The following SEL1L2 variants were observed in gnomAD, a reference collection of about 807,000 sequenced individuals.
The protein encoded by SEL1L2 is protein sel-1 homolog 2.
SEL1L2 carries 89 observed loss-of-function variants against 98.8 expected under a neutral mutation model. That is an observed-to-expected ratio of 0.90 (90% confidence interval 0.76 to 1.07). The LOEUF is 1.07. Ranked by LOEUF, SEL1L2 falls within the 50% of genes least tolerant of loss-of-function variation. SEL1L2 has a pLI of 0.00. For synonymous variants in SEL1L2, 262 were observed against 278.5 expected (o/e 0.94, Z 0.59); for missense variants, 788 against 812.0 (o/e 0.97, Z 0.36).
chr20:13,895,234 C>G (rs564128181), intron 5 of SEL1L2, among the ~76,000 whole-genome samples: 2 of 151,976 alleles, frequency 1.3e-5, no homozygotes, highest in Non-Finnish European at 2.9e-5. Flanking sequence ...CATGAGCTCA[C>G]GAGTTTGAGA....
chr20:13,949,662 CAAAACAAAAAACAA>C (rs1276031559), intron 2 of SEL1L2, among the ~76,000 whole-genome samples: 1 of 129,132 alleles, frequency 7.7e-6, no homozygotes, highest in Non-Finnish European at 1.6e-5. Context: ...GACTCTGTCT[CAAAACAAAAAACAA>C]AAAACAAACA....
intron 2 of SEL1L2, among the ~76,000 whole-genome samples, chr20:13,939,438 C>A (rs2049639563): frequency 1.3e-5 from 2 of 152,116 alleles, no homozygotes; most frequent in African/African-American, 4.8e-5. Flanking sequence ...GAACTAATTT[C>A]TTTCAAAGAC....
intron 2 of SEL1L2, among the ~76,000 whole-genome samples, chr20:13,937,491 A>T (rs771370873): frequency 2.0e-5 from 3 of 151,812 alleles, no homozygotes; most frequent in Admixed American, 6.6e-5. Flanking sequence ...GCTAGCAGGA[A>T]CTCCATCTCG....
chr20:13,913,730 T>C, intron 5 of SEL1L2, 52 bp downstream of exon 5: 6 of 1,422,816 alleles, frequency 4.2e-6, no homozygotes, highest in South Asian at 1.6e-5. Context: ...ATGCTGTCTA[T>C]AGTTATTTCA....
intron 1 of SEL1L2, among the ~76,000 whole-genome samples, chr20:13,987,248 T>C (rs574769334): frequency 8.5e-5 from 13 of 152,216 alleles, no homozygotes; most frequent in African/African-American, 2.9e-4. Context: ...CATTTTATAT[T>C]CCAACCAGCA....
Position 13,866,748 on chromosome 20 carries a change from T to A in SEL1L2, c.1358A>T (p.Tyr453Phe). The change falls in exon 15 of 20, where the codon TAT (tyrosine) becomes TTT (phenylalanine). Residue 453 changes from tyrosine to phenylalanine, a missense_variant. Physicochemically the swap from Tyr to Phe is conservative, Grantham distance 22. Transcript: ENST00000284951. ...PLAIYYLAKM[Y>F]ATGTGVVRSC... ...TCTTACTACTCCTGTTCCTGTTGCA[T>A]ACATCTTGGCCAGATAATAAATGGC... is the stretch of plus-strand genomic sequence containing the variant. 1.9e-6 allele frequency: 3 copies of A among 1,609,234 alleles called. No individual in the cohort carries two copies. In the South Asian group the frequency reaches 3.3e-5, roughly 18 times the overall value.
intron 5 of SEL1L2, among the ~76,000 whole-genome samples, chr20:13,903,610 C>T (rs1316795322): frequency 1.3e-5 from 2 of 151,946 alleles, no homozygotes; most frequent in Non-Finnish European, 2.9e-5. Flanking sequence ...GTCAGGAGTT[C>T]GAGACCAGCC....
chr20:13,947,989 G>A (rs903270209), intron 2 of SEL1L2, among the ~76,000 whole-genome samples: 9 of 152,212 alleles, frequency 5.9e-5, no homozygotes, highest in African/African-American at 2.2e-4. Context: ...GGTCCAGGCT[G>A]GTAGCATGAG....
chr20:13,881,108 G>C (rs528752603), intron 10 of SEL1L2, among the ~76,000 whole-genome samples: 181 of 152,324 alleles, frequency 1.2e-3, no homozygotes, highest in African/African-American at 2.4e-3. Flanking sequence ...CTGCCTCCCA[G>C]ATTCAAGCGA....
intron 2 of SEL1L2, among the ~76,000 whole-genome samples, chr20:13,948,008 A>G (rs1473060513): frequency 4.6e-5 from 7 of 152,232 alleles, no homozygotes; most frequent in Non-Finnish European, 4.4e-5. Context: ...AGCCAAGTGC[A>G]GCCTGCCAGG....
chr20:13,922,521 T>TCTGAAG lies in SEL1L2; in HGVS notation c.284-3404_284-3399dup, dbSNP rs1312509105. Among the ~76,000 whole-genome samples the TCTGAAG allele has an allele frequency of 7.9e-5, 12 of 152,326 alleles. 1 individual carries two copies. Among genetic ancestry groups the TCTGAAG allele is most frequent in the African/African-American group, 2.9e-4 (12 of 41,582 alleles). ...CTCTTCTGATGCATTATTCACAAAA[T>TCTGAAG]CTGAAGCTGAAGCTGGTTTATATTA... On this transcript the variant is annotated intron_variant, in intron 3 of 19. Transcript: ENST00000284951.
chr20:13,866,779 G>A lies in SEL1L2; in HGVS notation c.1327C>T (p.Pro443Ser). 1.2e-6 allele frequency: 2 copies of A among 1,613,192 alleles called. No homozygotes were observed. Among genetic ancestry groups the A allele is most frequent in the Non-Finnish European group, 1.7e-6 (2 of 1,179,574 alleles). Residue 443 changes from proline (P) to serine (S), a missense_variant, in exon 15 of 20, where the codon CCC (proline) becomes TCC (serine). Transcript: ENST00000284951. ...YFYLASQSGQ[P>S]LAIYYLAKMY... is the part of the protein sequence containing the mutation. ...TTGGCCAGATAATAAATGGCAAGGG[G>A]CTGCCCACTCTGAGATGCCAGGTAA...
At chr20:13,859,483 T>G in intron 17 of SEL1L2, 49 bp from the exon 18 acceptor site, 2 of 1,501,172 alleles carry the variant, frequency 1.3e-6, no homozygotes, top group Non-Finnish European at 1.8e-6. Flanking sequence ...ATGATTCATG[T>G]ATAGTTCTCA....
intron 1 of SEL1L2, among the ~76,000 whole-genome samples, chr20:13,970,794 T>C (rs1335980181): frequency 1.3e-5 from 2 of 151,996 alleles, no homozygotes; most frequent in Non-Finnish European, 2.9e-5. Flanking sequence ...GTTGTGCCAT[T>C]GCACTCCAGC....
intron 11 of SEL1L2, among the ~76,000 whole-genome samples, chr20:13,877,290 G>A (rs907522493): frequency 6.6e-6 from 1 of 152,016 alleles, no homozygotes; most frequent in Non-Finnish European, 1.5e-5. Flanking sequence ...TCTACAATGG[G>A]TTCAATGAGC....
intron 12 of SEL1L2, among the ~76,000 whole-genome samples, chr20:13,871,710 T>A (rs1395771608): frequency 3.3e-5 from 5 of 151,972 alleles, no homozygotes; most frequent in Non-Finnish European, 7.4e-5. Context: ...TGGGGTTTCA[T>A]CATGTTGGCC....
intron 2 of SEL1L2, among the ~76,000 whole-genome samples, chr20:13,932,938 C>G (rs960969698): frequency 6.6e-6 from 1 of 151,732 alleles, no homozygotes; most frequent in African/African-American, 2.4e-5. Flanking sequence ...TTAGGCTAGG[C>G]GGGGTGGCTT....
intron 4 of SEL1L2, among the ~76,000 whole-genome samples, chr20:13,918,069 G>C (rs993173298): frequency 6.6e-6 from 1 of 152,044 alleles, no homozygotes; most frequent in Admixed American, 6.6e-5. Context: ...GGGATTACAG[G>C]TATGAGCCAC....
intron 3 of SEL1L2, among the ~76,000 whole-genome samples, chr20:13,930,948 T>C (rs978811466): frequency 9.2e-5 from 14 of 152,050 alleles, no homozygotes; most frequent in African/African-American, 2.7e-4. Flanking sequence ...CCGGGCAACA[T>C]AGCAAGCCCT....
Sources: allele counts gnomAD v4.1 joint callset (sites outside exome capture counted in the v4.1 genomes callset), GRCh38; gene constraint gnomAD v4.1.1; transcripts MANE v1.5; gene names NCBI Gene and HGNC (gene_info 2026-07-23, HGNC 2026-07-21).